SHANK2: variants seen among roughly 807,000 people sequenced by gnomAD.
SHANK2 encodes the protein SH3 and multiple ankyrin repeat domains protein 2.
Under a neutral mutation model 133.7 loss-of-function variants are expected in SHANK2, and 43 were observed. The observed-to-expected ratio is 0.32, with a 90% CI of 0.25 to 0.41. The LOEUF (loss-of-function observed/expected upper bound fraction) is 0.41. SHANK2 is among the 10% of genes least tolerant of loss of function. SHANK2 has a pLI of 1.00. For synonymous variants in SHANK2, 1,017 were observed against 952.8 expected (o/e 1.07, Z -1.24); for missense variants, 1,994 against 2,235.8 (o/e 0.89, Z 2.18).
chr11:70,879,816 C>G (rs1427134183), intron 11 of SHANK2, among the ~76,000 whole-genome samples: 2 of 152,180 alleles, frequency 1.3e-5, no homozygotes, highest in African/African-American at 4.8e-5. Flanking sequence ...GGCTGGCTTC[C>G]TGCAGTTGCT....
chr11:70,518,727 T>C (rs757143925), intron 17 of SHANK2, among the ~76,000 whole-genome samples: 1 of 152,202 alleles, frequency 6.6e-6, no homozygotes, highest in Non-Finnish European at 1.5e-5. Flanking sequence ...CTTGGGTCTT[T>C]CTGCGACGAG....
intron 11 of SHANK2, among the ~76,000 whole-genome samples, chr11:70,885,541 G>C (rs562085711): frequency 6.7e-4 from 102 of 152,218 alleles, no homozygotes; most frequent in Non-Finnish European, 1.3e-3. Context: ...GGGACAGGCC[G>C]CAGGGCGGGC....
chr11:71,065,615 C>G (rs1457732798), intron 9 of SHANK2, among the ~76,000 whole-genome samples: 15 of 12,202 alleles, frequency 1.2e-3, no homozygotes, highest in Admixed American at 2.1e-3. Context: ...GGGGACGTTG[C>G]AGGGGGGTGT....
chr11:71,167,574 G>A (rs1590980425), intron 2 of SHANK2, among the ~76,000 whole-genome samples: 1 of 140,598 alleles, frequency 7.1e-6, no homozygotes, highest in East Asian at 2.1e-4. Context: ...GGACGGGGCG[G>A]CTGGCCGGGC....
At chr11:70,859,878 G>A (rs1159030254) in intron 11 of SHANK2, among the ~76,000 whole-genome samples, 2 of 152,126 alleles carry the variant, frequency 1.3e-5, no homozygotes, top group Non-Finnish European at 2.9e-5. Context: ...CTGGAGCACC[G>A]CACCTCCAGG....
intron 12 of SHANK2, among the ~76,000 whole-genome samples, chr11:70,812,364 C>A (rs1948297687): frequency 6.6e-6 from 1 of 152,246 alleles, no homozygotes; most frequent in Admixed American, 6.5e-5. Context: ...CAAATGCTCA[C>A]ATGTCTTCTT....
chr11:70,502,735 G>GGGGGGGGGC, intron 18 of SHANK2, 61 bp downstream of exon 18: 1 of 418,842 alleles, frequency 2.4e-6, no homozygotes, highest in Non-Finnish European at 3.8e-6. Flanking sequence ...TGTCCTGCCC[G>GGGGGGGGGC]CCCCCACCCC....
chr11:71,232,612 T>C (rs1954762091), intron 1 of SHANK2, among the ~76,000 whole-genome samples: 1 of 152,158 alleles, frequency 6.6e-6, no homozygotes, highest in Non-Finnish European at 1.5e-5. Flanking sequence ...ATGAAACCTT[T>C]ACTACGATCC....
chr11:71,060,782 C>T (rs1271793442), intron 9 of SHANK2, among the ~76,000 whole-genome samples: 1 of 152,138 alleles, frequency 6.6e-6, no homozygotes, highest in East Asian at 1.9e-4. Flanking sequence ...CTGCTAGAAG[C>T]CCATGGTGTT....
At chr11:70,651,432 CA>C (rs1376205408) in intron 17 of SHANK2, among the ~76,000 whole-genome samples, 54 of 152,250 alleles carry the variant, frequency 3.5e-4, no homozygotes, top group African/African-American at 1.3e-3. Context: ...CCCAGAAGGC[CA>C]CATGCAGAAA....
Position 70,533,267 on chromosome 11 carries a change from T to A in SHANK2, c.2062-30336A>T, listed in dbSNP as rs142786955. ...ACATTTTACATTTTTAGACTTTTAT[T>A]TTTGTAGAGATGGGGTCTTGCTGTG... On this transcript the variant is annotated intron_variant, in intron 17 of 25. Transcript: ENST00000601538. Among the ~76,000 whole-genome samples, 44 of 152,274 alleles carry A rather than the reference T, an allele frequency of 2.9e-4. 1 individual carries two copies. In the East Asian group the frequency reaches 7.4e-3, roughly 25 times the overall value.
In SHANK2 at chr11:71,240,232, G is replaced by A. The variant is rs916702363; in HGVS notation, c.-113+12193C>T. 5.3e-5 allele frequency among the ~76,000 whole-genome samples: 8 copies of A among 152,194 alleles called. No homozygotes were observed. The East Asian group carries it at 7.7e-4, about 15-fold the overall frequency. On this transcript the variant is annotated intron_variant, in intron 1 of 25. Coordinates refer to ENST00000601538, the MANE Select transcript of SHANK2 (RefSeq NM_012309.5). ...ACCCAGACACGGTGTATCTTCTCCC[G>A]AGGTCCATTGTTCTCCAAGAGGTTT...
chr11:70,801,012 T>A (rs537291942), intron 13 of SHANK2, among the ~76,000 whole-genome samples: 2 of 152,310 alleles, frequency 1.3e-5, no homozygotes, highest in African/African-American at 4.8e-5. Flanking sequence ...TTGGGAAAAC[T>A]CGGTCTCTCT....
chr11:71,242,833 T>C (rs782793791), intron 1 of SHANK2, among the ~76,000 whole-genome samples: 3 of 152,244 alleles, frequency 2.0e-5, no homozygotes, highest in Non-Finnish European at 4.4e-5. Context: ...TGCCCGGCTA[T>C]AAAACAGCCT....
rs1005057751 is a variant in SHANK2, at chr11:70,473,508, A to T, written c.4980-69T>A. The stretch of plus-strand genomic sequence containing the variant: ...GAGTCAGGGCAGCTGGCTGCAGATC[A>T]CCCAGGAAGGCGAGGGAGACGCCCA... On this transcript the variant is annotated intron_variant, in intron 25 of 25. Transcript: ENST00000601538. The surrounding 1 kb of genome is among the most constrained non-coding windows in gnomAD (Gnocchi z 5.9). 14 of 1,524,720 alleles carry T rather than the reference A, an allele frequency of 9.2e-6. No homozygotes were observed. Among genetic ancestry groups the T allele is most frequent in the African/African-American group, 1.4e-5 (1 of 72,854 alleles). 94.4% of individuals were successfully genotyped at this position (1,524,720 alleles called of 1,614,324 possible).
At chr11:70,586,027 C>T (rs1170772061) in intron 17 of SHANK2, among the ~76,000 whole-genome samples, 1 of 152,168 alleles carries the variant, frequency 6.6e-6, no homozygotes. Flanking sequence ...CGATTCAACC[C>T]TGACCTTGTG....
At chr11:70,800,643 C>G (rs1555050319) in intron 13 of SHANK2, among the ~76,000 whole-genome samples, 1 of 152,198 alleles carries the variant, frequency 6.6e-6, no homozygotes, top group East Asian at 1.9e-4. Context: ...TGAAACAGAT[C>G]AGCCACATCC....
chr11:70,612,936 C>T (rs924909180), intron 17 of SHANK2, among the ~76,000 whole-genome samples: 5 of 152,220 alleles, frequency 3.3e-5, no homozygotes, highest in Non-Finnish European at 5.9e-5. Flanking sequence ...CCCACCAGCG[C>T]ACTGTACTCC....
At chr11:70,894,906 C>T (rs1949909915) in intron 11 of SHANK2, among the ~76,000 whole-genome samples, 1 of 152,230 alleles carries the variant, frequency 6.6e-6, no homozygotes, top group Admixed American at 6.5e-5. Context: ...CAAAGCTATC[C>T]TGTGTGCTGC....
Sources: allele counts gnomAD v4.1 joint callset (sites outside exome capture counted in the v4.1 genomes callset), GRCh38; gene constraint gnomAD v4.1.1; non-coding constraint Gnocchi (gnomAD v3.1); transcripts MANE v1.5; gene names NCBI Gene and HGNC (gene_info 2026-07-23, HGNC 2026-07-21).